Variants in VPS37C observed in about 807,000 individuals in gnomAD.
The protein encoded by VPS37C is vacuolar protein sorting-associated protein 37C.
In VPS37C, 9 loss-of-function variants were observed where a neutral mutation model predicts 16.1. That is an observed-to-expected ratio of 0.56 (90% CI 0.34 to 0.97). The LOEUF (loss-of-function observed/expected upper bound fraction) is 0.97, where lower values mean the gene tolerates loss of function less well. VPS37C is among the 50% of genes least tolerant of loss of function. The probability of loss-of-function intolerance (pLI) is 0.02; values close to 1 mark genes in which losing one functional copy is unlikely to be tolerated. For synonymous variants in VPS37C, 207 were observed against 206.4 expected (o/e 1.00, Z -0.02); for missense variants, 479 against 472.7 (o/e 1.01, Z -0.12).
intron 2 of VPS37C, among the ~76,000 whole-genome samples, chr11:61,137,354 T>C (rs2134633069): frequency 6.6e-6 from 1 of 152,312 alleles, no homozygotes; most frequent in South Asian, 2.1e-4. Flanking sequence ...GAGTGTTTTT[T>C]CCCCTCAGAG....
rs940319806 is a variant in VPS37C, at chr11:61,131,533, C to A, written c.*287G>T. On this transcript the variant is annotated 3_prime_UTR_variant, in exon 5 of 5. Transcript: ENST00000301765. ...ATGCTCATAAATGCGCACATGCGCT[C>A]ACTCACACAGACACCGGCGAGAGGT... 4.1e-5 allele frequency: 15 copies of A among 367,462 alleles called. No homozygotes were observed. Among genetic ancestry groups the A allele is most frequent in the Non-Finnish European group, 1.9e-5 (4 of 208,244 alleles). The allele number at this position is 367,462 out of a possible 1,614,324, so 22.8% of individuals were successfully genotyped here. A position where few individuals can be genotyped will look rare whatever the true frequency, so the allele number is the denominator to read the frequency against.
At chr11:61,153,733 G>A (rs1215810967) in intron 1 of VPS37C, among the ~76,000 whole-genome samples, 1 of 152,210 alleles carries the variant, frequency 6.6e-6, no homozygotes, top group East Asian at 1.9e-4. Context: ...AGGCAGTGGA[G>A]GAGAGGAATT....
intron 1 of VPS37C, among the ~76,000 whole-genome samples, chr11:61,149,401 G>C (rs1853265018): frequency 6.6e-6 from 1 of 152,168 alleles, no homozygotes; most frequent in African/African-American, 2.4e-5. Context: ...ACATTATTCA[G>C]CCTTTCTCTG....
intron 1 of VPS37C, among the ~76,000 whole-genome samples, chr11:61,160,202 C>T (rs577315543): frequency 2.0e-5 from 3 of 152,284 alleles, no homozygotes; most frequent in Admixed American, 6.5e-5. Context: ...AACCACATTT[C>T]CAAGATAATC....
rs754513863 is a variant in VPS37C, at chr11:61,138,793, C to T, written c.37G>A (p.Glu13Lys). The T allele has an allele frequency of 2.0e-5, 33 of 1,614,050 alleles. No homozygotes were observed. Among genetic ancestry groups the T allele is most frequent in the Admixed American group, 3.3e-5 (2 of 59,998 alleles). Residue 13 changes from glutamate (E) to lysine (K), a missense_variant, in exon 2 of 5, where the codon GAG becomes AAG. By Grantham distance (56) the Glu-to-Lys change is moderately conservative. Transcript: ENST00000301765. ...TLKDKTLQEL[E>K]ELQNDSEAID... ...GCCTCCGAGTCATTCTGCAACTCCT[C>T]CAGCTCCTGCAGGGTCTTATCCTTC... is the stretch of plus-strand genomic sequence containing the variant.
intron 1 of VPS37C, among the ~76,000 whole-genome samples, chr11:61,150,141 A>G (rs1015252706): frequency 2.4e-4 from 37 of 151,870 alleles, no homozygotes; most frequent in Admixed American, 9.2e-4. Context: ...CTTTCCCCCC[A>G]GCTTCCGTTT....
intron 1 of VPS37C, among the ~76,000 whole-genome samples, chr11:61,143,138 T>C (rs1861502524): frequency 6.6e-6 from 1 of 151,692 alleles, no homozygotes; most frequent in South Asian, 2.1e-4. Context: ...CCACTAAGCA[T>C]TTGCTGCTAT....
intron 2 of VPS37C, among the ~76,000 whole-genome samples, chr11:61,136,271 T>C (rs1232022573): frequency 6.6e-6 from 1 of 151,598 alleles, no homozygotes; most frequent in Admixed American, 6.6e-5. Context: ...GTTCAAGCGA[T>C]TCTCCTGCCT....
At chr11:61,157,147 C>T (rs995214547) in intron 1 of VPS37C, among the ~76,000 whole-genome samples, 3 of 152,244 alleles carry the variant, frequency 2.0e-5, no homozygotes, top group Non-Finnish European at 4.4e-5. Flanking sequence ...TGTCCATGGA[C>T]GCTTGAATGG....
At chr11:61,145,006 T>C (rs1319182110) in intron 1 of VPS37C, 1 of 152,254 alleles carries the variant, frequency 6.6e-6, no homozygotes, top group Non-Finnish European at 1.5e-5. Context: ...TTTCCTTATC[T>C]GTAAAATGGG....
At chr11:61,153,583 A>C (rs1383421937) in intron 1 of VPS37C, among the ~76,000 whole-genome samples, 2 of 151,464 alleles carry the variant, frequency 1.3e-5, no homozygotes, top group African/African-American at 4.8e-5. Context: ...AAAGCCAGAC[A>C]AAGCCAAACA....
chr11:61,138,916 A>G, intron 1 of VPS37C, 81 bp from the exon 2 acceptor site: 1 of 1,338,148 alleles, frequency 7.5e-7, no homozygotes, highest in South Asian at 1.2e-5. Context: ...TGATTTATCA[A>G]AAACAAACTG....
intron 1 of VPS37C, among the ~76,000 whole-genome samples, chr11:61,147,066 G>A (rs1196928609): frequency 7.2e-5 from 11 of 152,166 alleles, no homozygotes; most frequent in Non-Finnish European, 5.9e-5. Context: ...ACTCAAAGTT[G>A]TGAGAAACTG....
chr11:61,131,908 G>A lies in VPS37C; in HGVS notation c.980C>T (p.Ser327Leu). 1 of 1,287,088 alleles carries A rather than the reference G, an allele frequency of 7.8e-7. No individual in the cohort carries two copies. Among genetic ancestry groups the A allele is most frequent in the Non-Finnish European group, 9.9e-7 (1 of 1,010,874 alleles). The allele number at this position is 1,287,088 out of a possible 1,614,324, so 79.7% of individuals were successfully genotyped here. Reference protein sequence around the residue: ...LPSFPGQPQPSVPLQPPYPPG... With the variant: ...LPSFPGQPQPLVPLQPPYPPG... The stretch of plus-strand genomic sequence containing the variant: ...GGGATAAGGGGGCTGCAGGGGCACT[G>A]AGGGCTGGGGCTGGCCTGGAAAGCT... The change falls in exon 5 of 5, where the codon TCA (serine) becomes TTA (leucine). Residue 327 changes from serine (S) to leucine (L), a missense_variant. Transcript: ENST00000301765.
intron 4 of VPS37C, 24 bp from the exon 5 acceptor site, chr11:61,132,563 C>A (rs756302016): frequency 6.4e-7 from 1 of 1,552,132 alleles, no homozygotes; most frequent in Non-Finnish European, 8.7e-7. Context: ...GGTCCAGTGA[C>A]AACAGGGGCA....
At chr11:61,148,862 T>C (rs879680017) in intron 1 of VPS37C, among the ~76,000 whole-genome samples, 9 of 152,324 alleles carry the variant, frequency 5.9e-5, no homozygotes, top group South Asian at 2.1e-4. Flanking sequence ...ACTTCCCAAG[T>C]AGCTGGGAGT....
chr11:61,152,153 G>C (rs1002639981), intron 1 of VPS37C, among the ~76,000 whole-genome samples: 7 of 152,142 alleles, frequency 4.6e-5, no homozygotes. Context: ...GTCATGCAAG[G>C]TGTGTCTGTT....
At chr11:61,156,184 G>T (rs1377610961) in intron 1 of VPS37C, among the ~76,000 whole-genome samples, 1 of 152,168 alleles carries the variant, frequency 6.6e-6, no homozygotes, top group African/African-American at 2.4e-5. Flanking sequence ...GGGACAAATT[G>T]AAAACAAATA....
intron 1 of VPS37C, among the ~76,000 whole-genome samples, chr11:61,147,579 G>C (rs1363453654): frequency 2.0e-5 from 3 of 150,494 alleles, no homozygotes; most frequent in Non-Finnish European, 4.4e-5. Context: ...CAGCCTTCCA[G>C]ATCTGTTTTT....
Sources: gnomAD v4.1 joint callset for allele counts (sites outside exome capture counted in the v4.1 genomes callset) on GRCh38, gnomAD v4.1.1 for gene constraint, MANE v1.5 for transcripts, NCBI Gene and HGNC (gene_info 2026-07-23, HGNC 2026-07-21) for gene names.